Variants in NR2E3 observed in about 807,000 individuals in gnomAD.
The protein encoded by NR2E3 is nuclear receptor subfamily 2 group E member 3.
A neutral mutation model predicts 37.6 loss-of-function variants in NR2E3; 38 were observed. The observed-to-expected ratio is 1.01, with a 90% CI of 0.78 to 1.33. NR2E3 has a LOEUF of 1.33. NR2E3 is among the 40% of genes most tolerant of loss of function. The pLI, the probability that NR2E3 is intolerant of heterozygous loss-of-function variation, is 0.00. For missense variants in NR2E3, 562 were observed against 558.7 expected, an observed-to-expected ratio of 1.01 and a Z score of -0.06; for synonymous variants, 235 against 225.1, an observed-to-expected ratio of 1.04 and a Z score of -0.39.
In NR2E3 at chr15:71,811,765, G is replaced by GGTGCCAGGTGGGGGCAGGGAT. The variant is rs2054183518; in HGVS notation, c.251_271dup (p.Gln84_Cys90dup). 1 of 1,549,898 alleles carries GGTGCCAGGTGGGGGCAGGGAT rather than the reference G, an allele frequency of 6.5e-7. No individual in the cohort carries two copies. Among genetic ancestry groups the GGTGCCAGGTGGGGGCAGGGAT allele is most frequent in the Non-Finnish European group, 8.7e-7 (1 of 1,145,924 alleles). On this transcript the variant is annotated inframe_insertion and splice_region_variant. Coordinates refer to ENST00000617575, the MANE Select transcript of NR2E3 (RefSeq NM_014249.4). The surrounding 1 kb of genome is among the most constrained non-coding windows in gnomAD (Gnocchi z 5.6). ...CCCTGGGGTCTCCTCTTCACCTGCA[G>GGTGCCAGGTGGGGGCAGGGAT]GTGCCAGGTGGGGGCAGGGATGTGC...
intron 7 of NR2E3, among the ~76,000 whole-genome samples, chr15:71,815,657 T>G (rs140247871): frequency 3.7e-4 from 56 of 152,330 alleles, no homozygotes; most frequent in African/African-American, 1.3e-3. Flanking sequence ...GGTTCTCTAA[T>G]CCAGCATATT....
Position 71,811,708 on chromosome 15 carries a change from C to G in NR2E3, c.246-58C>G, listed in dbSNP as rs896377904. 14 of 1,548,098 alleles carry G rather than the reference C, an allele frequency of 9.0e-6. No individual in the cohort carries two copies. The Admixed American group carries it at 2.7e-4, about 30-fold the overall frequency. On this transcript the variant is annotated intron_variant, in intron 2 of 7. Coordinates refer to ENST00000617575, the MANE Select transcript of NR2E3 (RefSeq NM_014249.4). This position sits in a 1 kb window ranked among gnomAD's most constrained non-coding sequence, Gnocchi z 5.6. ...AGGGGCTTGGGCAAAAATGTCCAAG[C>G]CCATGGCTCAGGGCATGGGAGGGAC...
At position 71,811,870 on chromosome 15, in the gene NR2E3, G is replaced by T. The variant is rs1488679790; in HGVS notation, c.349+1G>T. 6.4e-7 allele frequency: 1 copy of T among 1,551,030 alleles called. No homozygotes were observed. On this transcript the variant is annotated splice_donor_variant, in intron 3 of 7. Transcript: ENST00000617575. LOFTEE classifies it high-confidence loss of function. The surrounding 1 kb of genome is among the most constrained non-coding windows in gnomAD (Gnocchi z 5.6). The stretch of plus-strand genomic sequence containing the variant: ...CTGCAGGCGGGGATGAACCAGGACG[G>T]TGAGGCGGGGGCTGGCCCGGGGGGA...
intron 7 of NR2E3, chr15:71,814,547 A>G: frequency 1.0e-6 from 1 of 977,372 alleles, no homozygotes; most frequent in Non-Finnish European, 1.2e-6. Flanking sequence ...TTGTTAGAAC[A>G]GGAGCCCACT....
At chr15:71,815,550 C>G (rs921441786) in intron 7 of NR2E3, among the ~76,000 whole-genome samples, 4 of 152,158 alleles carry the variant, frequency 2.6e-5, no homozygotes, top group African/African-American at 9.7e-5. Context: ...ATTGGTTATG[C>G]GTCAAATTTC....
intron 7 of NR2E3, 110 bp downstream of exon 7, chr15:71,814,227 T>A (rs745745813): frequency 6.8e-7 from 1 of 1,475,006 alleles, no homozygotes; most frequent in Non-Finnish European, 9.0e-7. Context: ...GGGTCTCAGT[T>A]CAACAGCATA....
At chr15:71,812,783 G>A (rs1267871016) in intron 5 of NR2E3, among the ~76,000 whole-genome samples, 1 of 152,086 alleles carries the variant, frequency 6.6e-6, no homozygotes, top group Non-Finnish European at 1.5e-5. Flanking sequence ...ACAGGGCCCA[G>A]GGTCTTCTTA....
chr15:71,813,454 T>C lies in NR2E3; in HGVS notation c.813T>C (p.Pro271=), dbSNP rs377743925. The C allele has an allele frequency of 6.2e-7, 1 of 1,609,998 alleles. No individual in the cohort carries two copies. The highest frequency in any genetic ancestry group is 1.3e-5 in the African/African-American group (1 of 74,880). Residue 271 remains proline (P), a synonymous_variant, in exon 6 of 8, where the codon CCT becomes CCC. Coordinates refer to ENST00000617575, the MANE Select transcript of NR2E3 (RefSeq NM_014249.4). This position sits in a 1 kb window ranked among gnomAD's most constrained non-coding sequence, Gnocchi z 4.7. The part of the protein sequence containing the change: ...FLLGAIQWSL[P]LDSCPLLAPP... The stretch of plus-strand genomic sequence containing the variant: ...TCGGGGCCATCCAGTGGTCTCTGCC[T>C]CTGGACAGCTGTCCTCTGCTGGCAC...
Position 71,817,660 on chromosome 15 carries a change from C to G in NR2E3, c.1209C>G (p.Leu403=). The change falls in exon 8 of 8, where the codon CTC becomes CTG. Residue 403 remains leucine (L), a synonymous_variant. Transcript: ENST00000617575. ...TAGGGAATACTCCAATGGAGAAGCT[C>G]CTTTGTGATATGTTCAAAAACTAGT... The part of the protein sequence containing the change: ...KTIGNTPMEK[L]LCDMFKN 1 of 1,604,760 alleles carries G rather than the reference C, an allele frequency of 6.2e-7. No homozygotes were observed. Among genetic ancestry groups the G allele is most frequent in the Non-Finnish European group, 8.5e-7 (1 of 1,172,218 alleles).
intron 7 of NR2E3, among the ~76,000 whole-genome samples, chr15:71,815,884 G>GA (rs1595958231): frequency 6.6e-6 from 1 of 152,144 alleles, no homozygotes; most frequent in East Asian, 1.9e-4. Context: ...CTGCAGTTTG[G>GA]AAAAAACATT....
In NR2E3 at chr15:71,812,652, C is replaced by T. The variant is rs139782571; in HGVS notation, c.747+141C>T. 1.4e-4 allele frequency: 105 copies of T among 745,356 alleles called. No homozygotes were observed. In the East Asian group the frequency reaches 1.4e-3, roughly 10 times the overall value. The allele number at this position is 745,356 out of a possible 1,614,324, so 46.2% of individuals were successfully genotyped here. A position where few individuals can be genotyped will look rare whatever the true frequency, so the allele number is the denominator to read the frequency against. ...ATGGTGATGGCTGGGGACACACATA[C>T]CTCTGATTCAGCGATGGCTGGGGTG... On this transcript the variant is annotated intron_variant, in intron 5 of 7. Transcript: ENST00000617575.
chr15:71,810,832 G>A lies in NR2E3; in HGVS notation c.89G>A (p.Gly30Asp). ...GCTGCCTCCAGGAAGGAGTCTCCAG[G>A]CAGATGGGGCCTGGGGGAGGATCCC... is the stretch of plus-strand genomic sequence containing the variant. ...AGAASRKESPGRWGLGEDPTG... is the reference protein window; with the variant it reads ...AGAASRKESPDRWGLGEDPTG... The change falls in exon 1 of 8, where the codon GGC (glycine) becomes GAC (aspartate). Residue 30 changes from glycine (G) to aspartate (D), a missense_variant. Physicochemically the swap from Gly to Asp is moderately conservative, Grantham distance 94. Coordinates refer to ENST00000617575, the MANE Select transcript of NR2E3 (RefSeq NM_014249.4). 1 of 1,567,508 alleles carries A rather than the reference G, an allele frequency of 6.4e-7. No individual in the cohort carries two copies. Among genetic ancestry groups the A allele is most frequent in the Non-Finnish European group, 8.6e-7 (1 of 1,156,388 alleles).
chr15:71,814,539 G>A (rs942147713), intron 7 of NR2E3: 1 of 985,814 alleles, frequency 1.0e-6, no homozygotes, highest in Non-Finnish European at 1.2e-6. Context: ...ATGATATGTT[G>A]TTAGAACAGG....
At position 71,813,879 on chromosome 15, in the gene NR2E3, C is replaced by T; in HGVS notation, c.995-133C>T. On this transcript the variant is annotated intron_variant, in intron 6 of 7. Coordinates refer to ENST00000617575, the MANE Select transcript of NR2E3 (RefSeq NM_014249.4). The surrounding 1 kb of genome is among the most constrained non-coding windows in gnomAD (Gnocchi z 4.7). ...CCAGCCGGAGCCCCTGGTGGCTCCTCTGGGCCTGGCAGAGCCCACCCCACA... is the reference window on the plus strand; with the variant it reads ...CCAGCCGGAGCCCCTGGTGGCTCCTTTGGGCCTGGCAGAGCCCACCCCACA... 1 of 1,520,746 alleles carries T rather than the reference C, an allele frequency of 6.6e-7. No individual in the cohort carries two copies. Among genetic ancestry groups the T allele is most frequent in the Non-Finnish European group, 8.8e-7 (1 of 1,138,362 alleles). 94.2% of individuals were successfully genotyped at this position (1,520,746 alleles called of 1,614,324 possible).
rs753463414 is a variant in NR2E3, at chr15:71,810,794, G to A, written c.51G>A (p.Ala17=). The A allele has an allele frequency of 2.6e-5, 41 of 1,575,748 alleles. No individual in the cohort carries two copies. In the East Asian group the frequency reaches 3.0e-4, roughly 12 times the overall value. The change falls in exon 1 of 8, where the codon GCG becomes GCA. Residue 17 remains alanine (A), a synonymous_variant. Transcript: ENST00000617575. ...ALMSSTVAAA[A]PAAGAASRKE... ...TGAGCTCCACAGTGGCTGCAGCTGCGCCTGCAGCTGGGGCTGCCTCCAGGA... is the reference window on the plus strand; with the variant it reads ...TGAGCTCCACAGTGGCTGCAGCTGCACCTGCAGCTGGGGCTGCCTCCAGGA...
Position 71,810,721 on chromosome 15 carries a change from A to G in NR2E3, c.-23A>G, listed in dbSNP as rs1324763322. The G allele has an allele frequency of 6.4e-7, 1 of 1,555,472 alleles. No homozygotes were observed. The highest frequency in any genetic ancestry group is 8.7e-7 in the Non-Finnish European group (1 of 1,149,678). ...TCAGCAACCCAGGCCTCCCGCAGGC[A>G]GGCAGAGGCTGCCCTGTAACCCATG... On this transcript the variant is annotated 5_prime_UTR_variant, in exon 1 of 8. Transcript: ENST00000617575.
intron 4 of NR2E3, 58 bp downstream of exon 4, chr15:71,812,234 G>A: frequency 6.2e-7 from 1 of 1,607,480 alleles, no homozygotes; most frequent in Non-Finnish European, 8.5e-7. Context: ...TCACAGCAGG[G>A]CTGCAGCGCC....
rs545185885 is a variant in NR2E3 at position 71,813,073 on chromosome 15, C to T, written c.748-316C>T. On this transcript the variant is annotated intron_variant, in intron 5 of 7. Coordinates refer to ENST00000617575, the MANE Select transcript of NR2E3 (RefSeq NM_014249.4). The surrounding 1 kb of genome is among the most constrained non-coding windows in gnomAD (Gnocchi z 4.7). ...GGTGGAGCAACTCAGAAGAGTCAGG[C>T]CACACCACTTGAATACACTCAACTT... Among the ~76,000 whole-genome samples, 7 of 152,318 alleles carry T rather than the reference C, an allele frequency of 4.6e-5. No homozygotes were observed. In the East Asian group the frequency reaches 9.6e-4, roughly 21 times the overall value.
intron 7 of NR2E3, among the ~76,000 whole-genome samples, chr15:71,816,485 C>T (rs1211978278): frequency 6.6e-6 from 1 of 152,102 alleles, no homozygotes; most frequent in Non-Finnish European, 1.5e-5. Context: ...TGGTCTCGAT[C>T]TCCTGACCTC....
Sources: gnomAD v4.1 joint callset for allele counts (sites outside exome capture counted in the v4.1 genomes callset) on GRCh38, gnomAD v4.1.1 for gene constraint, Gnocchi (gnomAD v3.1) non-coding constraint, MANE v1.5 for transcripts, NCBI Gene and HGNC (gene_info 2026-07-23, HGNC 2026-07-21) for gene names.